LRRC4C: variants seen among roughly 807,000 people sequenced by gnomAD.
The protein encoded by LRRC4C is leucine rich repeat containing 4C.
Under a neutral mutation model 33.6 loss-of-function variants are expected in LRRC4C, and 5 were observed. The ratio of observed to expected loss-of-function variants is 0.15; its 90% CI spans 0.08 to 0.31. The LOEUF (loss-of-function observed/expected upper bound fraction) is 0.31, where lower values mean the gene tolerates loss of function less well. LRRC4C is among the 10% of genes least tolerant of loss of function. LRRC4C has a pLI of 1.00. For synonymous variants in LRRC4C, 329 were observed against 302.0 expected (o/e 1.09, Z -0.93); for missense variants, 560 against 796.7 (o/e 0.70, Z 3.58).
chr11:40,162,355 A>T (rs1483942217), intron 5 of LRRC4C, among the ~76,000 whole-genome samples: 1 of 152,138 alleles, frequency 6.6e-6, no homozygotes, highest in Non-Finnish European at 1.5e-5. Flanking sequence ...TAATTTTGAC[A>T]CAGAATTAGA....
Position 40,733,115 on chromosome 11 carries a change from A to G in LRRC4C, c.-406-84837T>C, listed in dbSNP as rs375026747. On this transcript the variant is annotated intron_variant, in intron 2 of 6. Transcript: ENST00000528697. ...TTTTGAGATGGAGTCTCACTCTGTCACCCAGGCTGGAGTAGCGTGGCGAGA... is the reference window on the plus strand; with the variant it reads ...TTTTGAGATGGAGTCTCACTCTGTCGCCCAGGCTGGAGTAGCGTGGCGAGA... 3.6e-5 allele frequency among the ~76,000 whole-genome samples: 4 copies of G among 110,866 alleles called. No individual in the cohort carries two copies. In the Admixed American group the frequency reaches 4.4e-4, roughly 12 times the overall value. The allele number at this position is 110,866 out of a possible 152,430, so 72.7% of individuals were successfully genotyped here. A position where few individuals can be genotyped will look rare whatever the true frequency, so the allele number is the denominator to read the frequency against.
intron 1 of LRRC4C, among the ~76,000 whole-genome samples, chr11:41,407,036 T>C (rs1324045992): frequency 1.3e-5 from 2 of 152,326 alleles, no homozygotes; most frequent in Non-Finnish European, 2.9e-5. Flanking sequence ...AGTGTTTTTC[T>C]AATATACATT....
chr11:40,634,237 C>T (rs1963756773), intron 3 of LRRC4C, among the ~76,000 whole-genome samples: 2 of 152,132 alleles, frequency 1.3e-5, no homozygotes, highest in African/African-American at 4.8e-5. Context: ...TTCTTAGGCT[C>T]CAAACTAAAG....
chr11:41,068,821 G>A (rs954034835), intron 1 of LRRC4C, among the ~76,000 whole-genome samples: 8 of 151,924 alleles, frequency 5.3e-5, no homozygotes, highest in South Asian at 2.1e-4. Flanking sequence ...ATGGATTAAC[G>A]GCCGAATTCT....
chr11:40,421,760 A>T (rs544416350), intron 3 of LRRC4C, among the ~76,000 whole-genome samples: 1 of 152,334 alleles, frequency 6.6e-6, no homozygotes, highest in East Asian at 1.9e-4. Flanking sequence ...ACCAATTAAG[A>T]TTTCCAGCTG....
At chr11:41,280,096 G>A (rs1190268624) in intron 1 of LRRC4C, among the ~76,000 whole-genome samples, 1 of 152,078 alleles carries the variant, frequency 6.6e-6, no homozygotes, top group African/African-American at 2.4e-5. Flanking sequence ...TGTAAGCTCT[G>A]GAAAAGCAAG....
chr11:40,296,300 A>G (rs1944508328), intron 4 of LRRC4C, among the ~76,000 whole-genome samples: 1 of 152,160 alleles, frequency 6.6e-6, no homozygotes, highest in South Asian at 2.1e-4. Context: ...TTAGATTTAG[A>G]TTGAACCAGT....
intron 6 of LRRC4C, among the ~76,000 whole-genome samples, chr11:40,131,583 A>G (rs1021861670): frequency 6.6e-6 from 1 of 152,202 alleles, no homozygotes; most frequent in African/African-American, 2.4e-5. Flanking sequence ...TAGTACATAG[A>G]GACTTAAAAA....
At chr11:40,181,120 G>A (rs1023013383) in intron 5 of LRRC4C, among the ~76,000 whole-genome samples, 2 of 152,106 alleles carry the variant, frequency 1.3e-5, no homozygotes, top group South Asian at 2.1e-4. Flanking sequence ...AAACTAAGAC[G>A]CTTCATTCCC....
chr11:41,101,799 C>T (rs563724594), intron 1 of LRRC4C, among the ~76,000 whole-genome samples: 9 of 151,814 alleles, frequency 5.9e-5, no homozygotes, highest in African/African-American at 2.2e-4. Context: ...ATATACATCA[C>T]AGCCATAAAA....
At chr11:40,297,729 T>C (rs761540970) in intron 4 of LRRC4C, among the ~76,000 whole-genome samples, 1 of 152,150 alleles carries the variant, frequency 6.6e-6, no homozygotes, top group Non-Finnish European at 1.5e-5. Flanking sequence ...AGCTTGCGAG[T>C]GCCAAGCCTG....
At chr11:40,663,575 G>C (rs994476951) in intron 2 of LRRC4C, among the ~76,000 whole-genome samples, 1 of 152,104 alleles carries the variant, frequency 6.6e-6, no homozygotes, top group Admixed American at 6.5e-5. Context: ...AAAAAATGGT[G>C]GGGGAAGAAC....
At chr11:41,372,655 C>A (rs1218936601) in intron 1 of LRRC4C, among the ~76,000 whole-genome samples, 1 of 152,086 alleles carries the variant, frequency 6.6e-6, no homozygotes, top group Non-Finnish European at 1.5e-5. Context: ...CTAACCCCAT[C>A]TCTGATTCCT....
At chr11:40,735,623 G>A (rs1947821347) in intron 2 of LRRC4C, among the ~76,000 whole-genome samples, 1 of 126,490 alleles carries the variant, frequency 7.9e-6, no homozygotes, top group Non-Finnish European at 1.8e-5. Flanking sequence ...AAACATATGT[G>A]TGCATGTGTC....
At chr11:40,202,809 G>C (rs1247374234) in intron 5 of LRRC4C, among the ~76,000 whole-genome samples, 1 of 152,150 alleles carries the variant, frequency 6.6e-6, no homozygotes, top group Non-Finnish European at 1.5e-5. Context: ...CGGGGAAGCT[G>C]TTAGGCAAAT....
Position 41,168,949 on chromosome 11 carries a change from T to C in LRRC4C, c.-495-235226A>G, listed in dbSNP as rs12287642. ...AAACAATGCCCCATGCCAGGAGATT[T>C]ACATACATAATCGCCATTCTTCGCA... On this transcript the variant is annotated intron_variant, in intron 1 of 6. Transcript: ENST00000528697. Among the ~76,000 whole-genome samples the C allele has an allele frequency of 4.2e-3, 646 of 152,284 alleles. 3 individuals are homozygous for C. The highest frequency in any genetic ancestry group is 0.014 in the African/African-American group (577 of 41,566).
At chr11:41,121,754 A>T (rs901622940) in intron 1 of LRRC4C, among the ~76,000 whole-genome samples, 1 of 152,184 alleles carries the variant, frequency 6.6e-6, no homozygotes, top group African/African-American at 2.4e-5. Flanking sequence ...GGATAAAATA[A>T]AAGGGATGAC....
intron 1 of LRRC4C, among the ~76,000 whole-genome samples, chr11:41,123,256 GTTTTGTTTTTTTTTTTTT>G (rs1163130554): frequency 1.5e-4 from 16 of 107,150 alleles, no homozygotes; most frequent in African/African-American, 5.1e-4. Flanking sequence ...CCTGAGCTAT[GTTTTGTTTTTTTTTTTTT>G]TTTTTTTTTT....
At chr11:40,146,853 A>G (rs532899120) in intron 5 of LRRC4C, among the ~76,000 whole-genome samples, 3 of 152,282 alleles carry the variant, frequency 2.0e-5, no homozygotes, top group Non-Finnish European at 4.4e-5. Flanking sequence ...ACTGGTATCT[A>G]GATACTGTGG....
Sources: gnomAD v4.1 joint callset for allele counts (sites outside exome capture counted in the v4.1 genomes callset) on GRCh38, gnomAD v4.1.1 for gene constraint, MANE v1.5 for transcripts, NCBI Gene and HGNC (gene_info 2026-07-23, HGNC 2026-07-21) for gene names.